PCMT1: variants seen among roughly 807,000 people sequenced by gnomAD.
The protein encoded by PCMT1 is protein-L-isoaspartate(D-aspartate) O-methyltransferase.
A neutral mutation model predicts 29.2 loss-of-function variants in PCMT1; 9 were observed. The observed-to-expected ratio is 0.31, with a 90% CI of 0.19 to 0.54. The LOEUF (loss-of-function observed/expected upper bound fraction) is 0.54. PCMT1 is among the 20% of genes least tolerant of loss of function. The pLI is 0.95. For synonymous variants in PCMT1, 98 were observed against 97.5 expected, an observed-to-expected ratio of 1.00 and a Z score of -0.03; for missense variants, 184 against 282.2, an observed-to-expected ratio of 0.65 and a Z score of 2.49.
At chr6:149,784,517 C>T (rs1385862113) in intron 3 of PCMT1, among the ~76,000 whole-genome samples, 1 of 151,460 alleles carries the variant, frequency 6.6e-6, no homozygotes, top group Non-Finnish European at 1.5e-5. Flanking sequence ...GTGGCCCAGG[C>T]TGGAATGTAG....
chr6:149,775,129 G>A (rs909733548), intron 3 of PCMT1, among the ~76,000 whole-genome samples: 1 of 152,174 alleles, frequency 6.6e-6, no homozygotes, highest in Non-Finnish European at 1.5e-5. Context: ...ATAGGCATGA[G>A]CCACTGGGCC....
chr6:149,783,322 G>A (rs1384013380), intron 3 of PCMT1, among the ~76,000 whole-genome samples: 2 of 151,184 alleles, frequency 1.3e-5, no homozygotes, highest in African/African-American at 2.5e-5. Context: ...TAGTAGAGAC[G>A]GGGTTTCACC....
intron 7 of PCMT1, among the ~76,000 whole-genome samples, chr6:149,804,137 C>T (rs1456341532): frequency 6.8e-6 from 1 of 147,316 alleles, no homozygotes; most frequent in Non-Finnish European, 1.5e-5. Flanking sequence ...CTGGTTTTTT[C>T]AACTGGAATC....
chr6:149,810,686 A>G lies in PCMT1; in HGVS notation c.*108A>G. On this transcript the variant is annotated 3_prime_UTR_variant, in exon 8 of 8. Coordinates refer to ENST00000464889, the MANE Select transcript of PCMT1 (RefSeq NM_001360452.2). ...AGTGGATTGCTCATCTCAGTCCTCA[A>G]AGCTTTTTGAAAACCAACACCATCA... 1.4e-6 allele frequency: 2 copies of G among 1,382,798 alleles called. No individual in the cohort carries two copies. The highest frequency in any genetic ancestry group is 1.4e-5 in the African/African-American group (1 of 69,766). 85.7% of individuals were successfully genotyped at this position (1,382,798 alleles called of 1,614,324 possible). A position where few individuals can be genotyped will look rare whatever the true frequency, so the allele number is the denominator to read the frequency against.
At chr6:149,766,574 T>C (rs1284168786) in intron 1 of PCMT1, among the ~76,000 whole-genome samples, 3 of 152,194 alleles carry the variant, frequency 2.0e-5, no homozygotes, top group African/African-American at 7.2e-5. Flanking sequence ...TTTTATAAAT[T>C]TTTATTGGAA....
chr6:149,769,473 C>G (rs1179246207), intron 1 of PCMT1, among the ~76,000 whole-genome samples: 2 of 151,632 alleles, frequency 1.3e-5, no homozygotes, highest in Non-Finnish European at 2.9e-5. Flanking sequence ...GCCACCACAC[C>G]TGGCTAATTT....
chr6:149,777,895 T>TCC (rs1562408626), intron 3 of PCMT1, among the ~76,000 whole-genome samples: 1 of 119,922 alleles, frequency 8.3e-6, no homozygotes, highest in Admixed American at 9.3e-5. Flanking sequence ...TTTTTTTTTT[T>TCC]CCACAAAGTC....
chr6:149,752,245 T>C (rs1229485853), intron 1 of PCMT1, among the ~76,000 whole-genome samples: 1 of 151,950 alleles, frequency 6.6e-6, no homozygotes, highest in East Asian at 1.9e-4. Context: ...TTTCCCAAGC[T>C]GGAGTGCAAT....
At chr6:149,770,637 C>A (rs9689694) in intron 1 of PCMT1, among the ~76,000 whole-genome samples, 1 of 143,172 alleles carries the variant, frequency 7.0e-6, no homozygotes, top group Non-Finnish European at 1.5e-5. Flanking sequence ...ACCTGGGAGG[C>A]GGAGGTTGCA....
rs529374710 is a variant in PCMT1 at position 149,774,296 on chromosome 6, G to A, written c.192+1127G>A. On this transcript the variant is annotated intron_variant, in intron 3 of 7. Transcript: ENST00000464889. Reference sequence around the variant, plus strand: ...ACACTGTTGCCCAGGCTGGTGTGCAGTGGCGCGATCTTGGCTTGCTGCAAC... The same window carrying A: ...ACACTGTTGCCCAGGCTGGTGTGCAATGGCGCGATCTTGGCTTGCTGCAAC... 5.5e-3 allele frequency among the ~76,000 whole-genome samples: 829 copies of A among 150,196 alleles called. 7 individuals are homozygous for A. The highest frequency in any genetic ancestry group is 0.019 in the African/African-American group (789 of 40,908).
chr6:149,774,568 C>T (rs1479619530), intron 3 of PCMT1, among the ~76,000 whole-genome samples: 2 of 135,116 alleles, frequency 1.5e-5, no homozygotes, highest in African/African-American at 2.8e-5. Flanking sequence ...GACGGAGTTT[C>T]GTTCTTGTGC....
At chr6:149,771,304 C>A in intron 2 of PCMT1, 38 bp downstream of exon 2, 1 of 1,233,464 alleles carries the variant, frequency 8.1e-7, no homozygotes. Flanking sequence ...TAGTTTTCAT[C>A]ATTTACTTTA....
At chr6:149,798,764 C>T (rs1449987065) in intron 6 of PCMT1, among the ~76,000 whole-genome samples, 5 of 152,298 alleles carry the variant, frequency 3.3e-5, no homozygotes, top group South Asian at 2.1e-4. Context: ...ATTATGCATA[C>T]GCAGTTTGCA....
intron 7 of PCMT1, among the ~76,000 whole-genome samples, chr6:149,805,272 A>G (rs1353656693): frequency 5.3e-5 from 8 of 152,212 alleles, no homozygotes; most frequent in Admixed American, 2.0e-4. Context: ...TTTATGGACA[A>G]TTAGTCATCT....
At chr6:149,785,401 C>CT (rs1185005124) in intron 3 of PCMT1, among the ~76,000 whole-genome samples, 6 of 95,928 alleles carry the variant, frequency 6.3e-5, no homozygotes, top group South Asian at 3.4e-4. Context: ...TTATTCAGTT[C>CT]TTTTTTTTTA....
chr6:149,785,304 C>T (rs1474601728), intron 3 of PCMT1, among the ~76,000 whole-genome samples: 6 of 133,282 alleles, frequency 4.5e-5, no homozygotes, highest in Admixed American at 2.3e-4. Context: ...TTAATTGTTC[C>T]ATGGAATAGG....
intron 7 of PCMT1, among the ~76,000 whole-genome samples, chr6:149,806,090 G>A (rs542184334): frequency 3.9e-4 from 59 of 152,026 alleles, no homozygotes; most frequent in African/African-American, 1.3e-3. Flanking sequence ...ATTTTTCAGC[G>A]TGAGGATCTT....
chr6:149,762,501 TATATATATATATCTATG>T (rs1786782772), intron 1 of PCMT1, among the ~76,000 whole-genome samples: 2 of 86,066 alleles, frequency 2.3e-5, no homozygotes, highest in South Asian at 3.7e-4. Context: ...TAATCTATGA[TATATATATATATCTATG>T]ATATATATAT....
In PCMT1 at chr6:149,767,181, T is replaced by A. The variant is rs549216734; in HGVS notation, c.56-3981T>A. ...GAGATCACGCCACTGCACTCCAGCC[T>A]GGGCAACAGAGGAAGACTCCTTCTC... On this transcript the variant is annotated intron_variant, in intron 1 of 7. Transcript: ENST00000464889. 3.3e-5 allele frequency among the ~76,000 whole-genome samples: 5 copies of A among 151,964 alleles called. No homozygotes were observed. In the South Asian group the frequency reaches 1.0e-3, roughly 32 times the overall value.
Sources: allele counts gnomAD v4.1 joint callset (sites outside exome capture counted in the v4.1 genomes callset), GRCh38; gene constraint gnomAD v4.1.1; transcripts MANE v1.5; gene names NCBI Gene and HGNC (gene_info 2026-07-23, HGNC 2026-07-21).